UBAP2L: variants seen among roughly 807,000 people sequenced by gnomAD.
UBAP2L encodes the protein ubiquitin associated protein 2 like.
A neutral mutation model predicts 130.6 loss-of-function variants in UBAP2L; 12 were observed. The observed-to-expected ratio is 0.09, with a 90% CI of 0.06 to 0.15. UBAP2L has a LOEUF of 0.15. UBAP2L is among the 10% of genes least tolerant of loss of function. The pLI, the probability that UBAP2L is intolerant of heterozygous loss-of-function variation, is 1.00. For missense variants in UBAP2L, 965 were observed against 1,332.5 expected (o/e 0.72, Z 4.29); for synonymous variants, 503 against 524.7 (o/e 0.96, Z 0.57).
chr1:154,247,072 T>C lies in UBAP2L; in HGVS notation c.1014+697T>C, dbSNP rs560063384. ...CAAGTACCAGTTTTCTCATAGTCAT[T>C]GAGTCCTGAGAAGTACTGCTTTTTC... On this transcript the variant is annotated intron_variant, in intron 11 of 26. Coordinates refer to ENST00000428931, the MANE Select transcript of UBAP2L (RefSeq NM_014847.4). Among the ~76,000 whole-genome samples, 47 of 152,358 alleles carry C rather than the reference T, an allele frequency of 3.1e-4. 1 individual carries two copies. In the South Asian group the frequency reaches 4.3e-3, roughly 14 times the overall value.
At chr1:154,231,077 T>C (rs1363932093) in intron 4 of UBAP2L, among the ~76,000 whole-genome samples, 1 of 152,132 alleles carries the variant, frequency 6.6e-6, no homozygotes, top group Non-Finnish European at 1.5e-5. Context: ...TATAATAGGC[T>C]TGGGTTGGAA....
intron 9 of UBAP2L, 119 bp downstream of exon 9, chr1:154,241,684 T>G: frequency 6.6e-7 from 1 of 1,505,554 alleles, no homozygotes; most frequent in South Asian, 1.3e-5. Flanking sequence ...ACCCAAAACT[T>G]TTACATCCAA....
intron 21 of UBAP2L, chr1:154,259,723 A>G: frequency 1.5e-6 from 1 of 680,662 alleles, no homozygotes; most frequent in Non-Finnish European, 2.7e-6. Flanking sequence ...ATGTATTCTC[A>G]AGTGGGCATA....
At chr1:154,243,426 A>T (rs1486420379) in intron 10 of UBAP2L, 124 bp downstream of exon 10, 1 of 715,174 alleles carries the variant, frequency 1.4e-6, no homozygotes. Flanking sequence ...ATTACATTAC[A>T]TCATTACATT....
intron 6 of UBAP2L, among the ~76,000 whole-genome samples, chr1:154,236,266 T>A (rs1200713420): frequency 6.6e-6 from 1 of 152,162 alleles, no homozygotes. Context: ...TAGTGCGGTC[T>A]TAGCTCACTG....
At chr1:154,231,278 C>A (rs1474840435) in intron 4 of UBAP2L, among the ~76,000 whole-genome samples, 1 of 147,380 alleles carries the variant, frequency 6.8e-6, no homozygotes, top group African/African-American at 2.5e-5. Context: ...GTGTGCGCCA[C>A]CACACTTGGC....
At chr1:154,259,482 G>T (rs1351082031) in intron 21 of UBAP2L, among the ~76,000 whole-genome samples, 1 of 151,874 alleles carries the variant, frequency 6.6e-6, no homozygotes, top group Non-Finnish European at 1.5e-5. Context: ...ATGAGCCGCC[G>T]CACCCAGCCT....
intron 15 of UBAP2L, 27 bp downstream of exon 15, chr1:154,254,116 T>C (rs762583213): frequency 6.7e-7 from 1 of 1,497,310 alleles, no homozygotes; most frequent in Non-Finnish European, 8.9e-7. Context: ...CCCTTGGGAA[T>C]TGGTTAGGAG....
chr1:154,240,448 T>TC (rs1673147009), intron 8 of UBAP2L, among the ~76,000 whole-genome samples: 2 of 152,166 alleles, frequency 1.3e-5, no homozygotes, highest in Admixed American at 1.3e-4. Flanking sequence ...CAGTGTATAC[T>TC]CCCGTTGTCT....
chr1:154,238,736 TTTCTTTTC>T (rs1672511886), intron 8 of UBAP2L, among the ~76,000 whole-genome samples: 1 of 152,092 alleles, frequency 6.6e-6, no homozygotes, highest in Non-Finnish European at 1.5e-5. Flanking sequence ...TAATTTTTTT[TTTCTTTTC>T]TTTTTTTCTT....
intron 4 of UBAP2L, among the ~76,000 whole-genome samples, chr1:154,229,855 A>G (rs1338278485): frequency 6.6e-6 from 1 of 152,104 alleles, no homozygotes; most frequent in Non-Finnish European, 1.5e-5. Context: ...CTTACAGATA[A>G]CAACTTGTTT....
At chr1:154,239,590 T>C (rs1571730548) in intron 8 of UBAP2L, among the ~76,000 whole-genome samples, 1 of 152,176 alleles carries the variant, frequency 6.6e-6, no homozygotes, top group Non-Finnish European at 1.5e-5. Flanking sequence ...CTTCCTCAGC[T>C]CTCTCTCTTC....
Position 154,235,174 on chromosome 1 carries a change from T to G in UBAP2L, c.449-22T>G, listed in dbSNP as rs757153961. 4 of 748,774 alleles carry G rather than the reference T, an allele frequency of 5.3e-6. No homozygotes were observed. The African/African-American group carries it at 6.9e-5, about 13-fold the overall frequency. The allele number at this position is 748,774 out of a possible 1,614,324, so 46.4% of individuals were successfully genotyped here. ...TGGTTTTTTTGTTGTTGTTGTTGTT[T>G]TAATTTTTATTTTTATTTCAGTTCG... On this transcript the variant is annotated intron_variant, in intron 5 of 26. Coordinates refer to ENST00000428931, the MANE Select transcript of UBAP2L (RefSeq NM_014847.4).
At chr1:154,240,053 TTCTAATGTGGTGTTAGAATAC>T (rs1427342366) in intron 8 of UBAP2L, among the ~76,000 whole-genome samples, 2 of 152,230 alleles carry the variant, frequency 1.3e-5, no homozygotes, top group Non-Finnish European at 2.9e-5. Flanking sequence ...ATTAGAATAC[TTCTAATGTGGTGTTAGAATAC>T]TTCTCTTCAG....
chr1:154,227,888 AT>A (rs997801390), intron 3 of UBAP2L, among the ~76,000 whole-genome samples: 10 of 152,010 alleles, frequency 6.6e-5, no homozygotes, highest in African/African-American at 2.4e-4. Flanking sequence ...TGGAAATTTT[AT>A]CTTAATTTTA....
chr1:154,226,324 AAATT>A (rs1667916046), intron 2 of UBAP2L, among the ~76,000 whole-genome samples: 1 of 152,268 alleles, frequency 6.6e-6, no homozygotes, highest in African/African-American at 2.4e-5. Context: ...TTTAAAGAGT[AAATT>A]AACCTCTTGG....
intron 23 of UBAP2L, 22 bp from the exon 24 acceptor site, chr1:154,261,570 A>G (rs775317413): frequency 6.2e-6 from 10 of 1,612,642 alleles, no homozygotes; most frequent in Non-Finnish European, 8.5e-6. Context: ...GTCACTGCAA[A>G]TCTGGCCTTT....
chr1:154,242,386 G>A (rs1475665263), intron 9 of UBAP2L, among the ~76,000 whole-genome samples: 1 of 152,170 alleles, frequency 6.6e-6, no homozygotes, highest in East Asian at 1.9e-4. Context: ...AATTTCAGAG[G>A]CATCAGCATC....
chr1:154,238,607 A>G (rs182452828), intron 8 of UBAP2L, among the ~76,000 whole-genome samples: 2 of 152,330 alleles, frequency 1.3e-5, no homozygotes, highest in East Asian at 3.9e-4. Flanking sequence ...TACTGAGTAG[A>G]AAAGGGAGCA....
Sources: gnomAD v4.1 joint callset for allele counts (sites outside exome capture counted in the v4.1 genomes callset) on GRCh38, gnomAD v4.1.1 for gene constraint, MANE v1.5 for transcripts, NCBI Gene and HGNC (gene_info 2026-07-23, HGNC 2026-07-21) for gene names.